The following CLOCK variants were observed in gnomAD, a reference collection of about 807,000 sequenced individuals.
CLOCK encodes circadian locomoter output cycles protein kaput.
Under a neutral mutation model 118.4 loss-of-function variants are expected in CLOCK, and 43 were observed. That is an observed-to-expected ratio of 0.36 (90% CI 0.28 to 0.47). The LOEUF (loss-of-function observed/expected upper bound fraction) is 0.47, where lower values mean the gene tolerates loss of function less well. CLOCK is among the 20% of genes least tolerant of loss of function. CLOCK has a pLI of 1.00. For missense variants in CLOCK, 846 were observed against 999.9 expected (o/e 0.85, Z 2.08); for synonymous variants, 326 against 339.2 (o/e 0.96, Z 0.43).
At chr4:55,537,596 G>C (rs775633171) in intron 1 of CLOCK, among the ~76,000 whole-genome samples, 2 of 151,796 alleles carry the variant, frequency 1.3e-5, no homozygotes, top group Non-Finnish European at 2.9e-5. Context: ...TAAAGCCTAG[G>C]CAACGGAGTG....
intron 1 of CLOCK, among the ~76,000 whole-genome samples, chr4:55,530,204 G>A (rs1200225693): frequency 2.6e-5 from 4 of 152,064 alleles, no homozygotes; most frequent in Non-Finnish European, 4.4e-5. Flanking sequence ...CCATAACTAC[G>A]AAGGACAAAG....
At chr4:55,470,886 A>C in intron 7 of CLOCK, 80 bp from the exon 8 acceptor site, 1 of 976,286 alleles carries the variant, frequency 1.0e-6, no homozygotes, top group African/African-American at 1.6e-5. Context: ...GAGATAAATG[A>C]CAAAGGATTT....
intron 4 of CLOCK, among the ~76,000 whole-genome samples, chr4:55,481,952 T>A (rs899706573): frequency 1.3e-5 from 2 of 152,194 alleles, no homozygotes; most frequent in African/African-American, 4.8e-5. Context: ...AAAATGTTGT[T>A]GGATTATATC....
At chr4:55,504,277 C>T (rs1341666203) in intron 2 of CLOCK, among the ~76,000 whole-genome samples, 1 of 115,730 alleles carries the variant, frequency 8.6e-6, no homozygotes, top group Non-Finnish European at 1.7e-5. Flanking sequence ...CACAGCGAGA[C>T]TCCATCAAAA....
chr4:55,545,679 A>G (rs1014442484), intron 1 of CLOCK: 1 of 152,214 alleles, frequency 6.6e-6, no homozygotes, highest in Non-Finnish European at 1.5e-5. Flanking sequence ...CTCACCTACC[A>G]TCAACAAGAG....
At chr4:55,537,877 C>T (rs1731006949) in intron 1 of CLOCK, among the ~76,000 whole-genome samples, 1 of 152,044 alleles carries the variant, frequency 6.6e-6, no homozygotes, top group Admixed American at 6.5e-5. Context: ...AATCAATGAC[C>T]TCAGCTTCTA....
chr4:55,540,348 G>C (rs73155674), intron 1 of CLOCK, among the ~76,000 whole-genome samples: 1 of 147,024 alleles, frequency 6.8e-6, no homozygotes, highest in Non-Finnish European at 1.5e-5. Context: ...CCCACATTAG[G>C]GATGTGCTAT....
chr4:55,473,593 T>C (rs1050745015), intron 7 of CLOCK, among the ~76,000 whole-genome samples: 2 of 152,204 alleles, frequency 1.3e-5, no homozygotes, highest in African/African-American at 4.8e-5. Flanking sequence ...CTATAATCTA[T>C]TTATACAGGC....
chr4:55,462,051 T>C (rs370355945), intron 9 of CLOCK, among the ~76,000 whole-genome samples: 4 of 152,222 alleles, frequency 2.6e-5, no homozygotes, highest in South Asian at 4.1e-4. Flanking sequence ...CTTTCTTTTT[T>C]CTGGGGCAAG....
chr4:55,459,541 T>G (rs1725174436), intron 9 of CLOCK, among the ~76,000 whole-genome samples: 1 of 152,212 alleles, frequency 6.6e-6, no homozygotes, highest in African/African-American at 2.4e-5. Context: ...CAAAGGAAAG[T>G]TTTGCTTCAC....
In CLOCK at chr4:55,450,547, C is replaced by T. The variant is rs913117917; in HGVS notation, c.1207-315G>A. 2.0e-5 allele frequency among the ~76,000 whole-genome samples: 3 copies of T among 152,132 alleles called. No individual in the cohort carries two copies. In the East Asian group the frequency reaches 5.8e-4, roughly 29 times the overall value. ...CTTTGGGAAGCTGAAGCAGGCAGATCACCTGAGGTCAGGAGTTTGAGACCA... is the reference window on the plus strand; with the variant it reads ...CTTTGGGAAGCTGAAGCAGGCAGATTACCTGAGGTCAGGAGTTTGAGACCA... On this transcript the variant is annotated intron_variant, in intron 15 of 22. Transcript: ENST00000513440.
At chr4:55,466,554 C>T (rs1725751692) in intron 8 of CLOCK, among the ~76,000 whole-genome samples, 1 of 152,182 alleles carries the variant, frequency 6.6e-6, no homozygotes, top group South Asian at 2.1e-4. Context: ...TCTTCTACTA[C>T]TATTTGGTAA....
intron 7 of CLOCK, among the ~76,000 whole-genome samples, chr4:55,474,524 A>C (rs977392337): frequency 2.0e-5 from 3 of 152,246 alleles, no homozygotes; most frequent in Non-Finnish European, 4.4e-5. Context: ...CAGATGAAAC[A>C]GCCTTCTATT....
At chr4:55,479,577 T>G in intron 5 of CLOCK, 63 bp downstream of exon 5, 1 of 1,295,454 alleles carries the variant, frequency 7.7e-7, no homozygotes, top group Non-Finnish European at 1.1e-6. Context: ...ATTCACTATT[T>G]ATTTACCATT....
chr4:55,505,044 A>G (rs1728710655), intron 2 of CLOCK, among the ~76,000 whole-genome samples: 1 of 151,652 alleles, frequency 6.6e-6, no homozygotes, highest in Non-Finnish European at 1.5e-5. Context: ...TTAGCCGGGT[A>G]TGGTGGCACA....
At chr4:55,456,386 G>A (rs1394725494) in intron 11 of CLOCK, 86 bp from the exon 12 acceptor site, 2 of 907,908 alleles carry the variant, frequency 2.2e-6, no homozygotes, top group East Asian at 3.0e-5. Flanking sequence ...GTCATGGCCA[G>A]GTGCAGTGGC....
intron 18 of CLOCK, among the ~76,000 whole-genome samples, chr4:55,445,068 G>GCTTTGC (rs56391323): frequency 7.1e-6 from 1 of 141,530 alleles, no homozygotes; most frequent in East Asian, 2.4e-4. Flanking sequence ...TGGTTCTGGT[G>GCTTTGC]CTTCTTGCTC....
intron 2 of CLOCK, among the ~76,000 whole-genome samples, chr4:55,509,226 T>C (rs548587079): frequency 2.0e-5 from 3 of 152,350 alleles, no homozygotes; most frequent in African/African-American, 7.2e-5. Flanking sequence ...GGTCCATCAC[T>C]GACCATGTAA....
intron 1 of CLOCK, among the ~76,000 whole-genome samples, chr4:55,530,203 C>T (rs557595373): frequency 5.9e-5 from 9 of 152,036 alleles, no homozygotes; most frequent in Admixed American, 3.3e-4. Context: ...TCCATAACTA[C>T]GAAGGACAAA....
Sources: allele counts gnomAD v4.1 joint callset (sites outside exome capture counted in the v4.1 genomes callset), GRCh38; gene constraint gnomAD v4.1.1; transcripts MANE v1.5; gene names NCBI Gene and HGNC (gene_info 2026-07-23, HGNC 2026-07-21).